AKAP11: variants seen among roughly 807,000 people sequenced by gnomAD.
AKAP11 encodes A-kinase anchoring protein 11.
In AKAP11, 36 loss-of-function variants were observed where a neutral mutation model predicts 146.1. The ratio of observed to expected loss-of-function variants is 0.25; its 90% CI spans 0.19 to 0.33. The LOEUF is 0.33. Ranked by LOEUF, AKAP11 falls within the 10% of genes least tolerant of loss-of-function variation. AKAP11 has a pLI of 1.00. For synonymous variants in AKAP11, 780 were observed against 786.5 expected (o/e 0.99, Z 0.14); for missense variants, 2,201 against 2,197.0 (o/e 1.00, Z -0.04).
intron 11 of AKAP11, among the ~76,000 whole-genome samples, chr13:42,316,178 C>A (rs867048131): frequency 1.4e-4 from 21 of 152,112 alleles, no homozygotes; most frequent in Admixed American, 5.2e-4. Context: ...TGGACCAAAT[C>A]TTTTTAATTA....
chr13:42,297,130 G>A lies in AKAP11; in HGVS notation c.299G>A (p.Cys100Tyr), dbSNP rs1328838915. The A allele has an allele frequency of 1.3e-6, 2 of 1,571,774 alleles. No homozygotes were observed. The highest frequency in any genetic ancestry group is 3.6e-5 in the Admixed American group (2 of 55,554). The change falls in exon 6 of 13, where the codon TGT (cysteine) becomes TAT (tyrosine). Residue 100 changes from cysteine to tyrosine, a missense_variant. Cys to Tyr is a radical substitution (Grantham distance 194). Transcript: ENST00000025301. ...FCSLNENEII[C>Y]MKNINKPLDI... ...AGTCTAAATGAAAATGAAATTATTTGTATGAAGAATATAAATAAACCATTA... is the reference window on the plus strand; with the variant it reads ...AGTCTAAATGAAAATGAAATTATTTATATGAAGAATATAAATAAACCATTA...
At chr13:42,277,243 A>C (rs1594293356) in intron 1 of AKAP11, among the ~76,000 whole-genome samples, 1 of 152,368 alleles carries the variant, frequency 6.6e-6, no homozygotes, top group East Asian at 1.9e-4. Flanking sequence ...GAGGGCATAT[A>C]TCCTTTACAG....
At chr13:42,281,045 A>G (rs1157196957) in intron 1 of AKAP11, among the ~76,000 whole-genome samples, 1 of 152,212 alleles carries the variant, frequency 6.6e-6, no homozygotes, top group African/African-American at 2.4e-5. Context: ...TAACTGGGAT[A>G]TTTAGTTGGA....
chr13:42,311,314 A>G (rs1052838187), intron 9 of AKAP11, among the ~76,000 whole-genome samples: 1 of 152,220 alleles, frequency 6.6e-6, no homozygotes, highest in African/African-American at 2.4e-5. Context: ...TGAAGTAGGA[A>G]AACTCTTAAG....
chr13:42,299,928 A>G lies in AKAP11; in HGVS notation c.1182A>G (p.Ser394=), dbSNP rs776921229. The G allele has an allele frequency of 2.5e-6, 4 of 1,613,988 alleles. No individual in the cohort carries two copies. Among genetic ancestry groups the G allele is most frequent in the Non-Finnish European group, 3.4e-6 (4 of 1,179,884 alleles). The change falls in exon 8 of 13, where the codon TCA becomes TCG. Residue 394 remains serine (S), a synonymous_variant. Coordinates refer to ENST00000025301, the MANE Select transcript of AKAP11 (RefSeq NM_016248.4). Reference sequence around the variant, plus strand: ...GGAAAGGGCACAAACATGGAAAGTCATGTATGAATCCTCAAAAATTCAAGT... The same window carrying G: ...GGAAAGGGCACAAACATGGAAAGTCGTGTATGAATCCTCAAAAATTCAAGT... ...SQRKGHKHGK[S]CMNPQKFKFD...
rs1959250121 is a variant in AKAP11 at position 42,292,414 on chromosome 13, A to G, written c.81A>G (p.Val27=). 1.9e-6 allele frequency: 3 copies of G among 1,586,020 alleles called. No homozygotes were observed. Among genetic ancestry groups the G allele is most frequent in the Non-Finnish European group, 2.6e-6 (3 of 1,160,442 alleles). ...TCAGTGAAGATGTGTTCCAGTCTGTAAAGTCTTTATTGCAGAGTCAGAAGG... is the reference window on the plus strand; with the variant it reads ...TCAGTGAAGATGTGTTCCAGTCTGTGAAGTCTTTATTGCAGAGTCAGAAGG... ...KSFSEDVFQS[V]KSLLQSQKEL... Residue 27 remains valine, a synonymous_variant, in exon 4 of 13, where the codon GTA becomes GTG. Transcript: ENST00000025301.
intron 10 of AKAP11, 28 bp downstream of exon 10, chr13:42,313,158 T>C: frequency 1.3e-6 from 2 of 1,531,564 alleles, no homozygotes; most frequent in Non-Finnish European, 1.8e-6. Flanking sequence ...ACTTAAAAAC[T>C]GATGAGTCTG....
At position 42,302,084 on chromosome 13, in the gene AKAP11, C is replaced by G; in HGVS notation, c.3338C>G (p.Ser1113Cys). 6.2e-7 allele frequency: 1 copy of G among 1,614,154 alleles called. No homozygotes were observed. Among genetic ancestry groups the G allele is most frequent in the Non-Finnish European group, 8.5e-7 (1 of 1,180,022 alleles). Residue 1113 changes from serine (S) to cysteine (C), a missense_variant, in exon 8 of 13, where the codon TCT (serine) becomes TGT (cysteine). By Grantham distance (112) the Ser-to-Cys change is moderately radical. Transcript: ENST00000025301. ...STPLVPSRAS[S>C]EWDIKKLTKK... ...CCTCTAGTACCATCCCGGGCTAGTT[C>G]TGAATGGGATATCAAGAAGTTAACT... is the stretch of plus-strand genomic sequence containing the variant.
intron 5 of AKAP11, 119 bp from the exon 6 acceptor site, chr13:42,296,929 A>C (rs1351272693): frequency 1.3e-6 from 1 of 750,768 alleles, no homozygotes; most frequent in Non-Finnish European, 2.1e-6. Flanking sequence ...GTTAACTATT[A>C]TGAACCAGGA....
chr13:42,302,007 TAAACA>T lies in AKAP11; in HGVS notation c.3262_3266del (p.Lys1088GlufsTer10). 6.2e-7 allele frequency: 1 copy of T among 1,613,780 alleles called. No homozygotes were observed. The highest frequency in any genetic ancestry group is 8.5e-7 in the Non-Finnish European group (1 of 1,179,882). Reference sequence around the variant, plus strand: ...GTGTAGATGGTTTGCATGTGGAAGATAAACAGAAAGTCAGAGACAGAAATGTAATA... The same window carrying T: ...GTGTAGATGGTTTGCATGTGGAAGATGAAAGTCAGAGACAGAAATGTAATA... On this transcript the variant is annotated frameshift_variant, in exon 8 of 13. Coordinates refer to ENST00000025301, the MANE Select transcript of AKAP11 (RefSeq NM_016248.4). LOFTEE classifies it high-confidence loss of function.
chr13:42,294,031 A>G (rs547217338), intron 4 of AKAP11, among the ~76,000 whole-genome samples: 2 of 152,316 alleles, frequency 1.3e-5, no homozygotes, highest in African/African-American at 2.4e-5. Flanking sequence ...GAGGTTAGCA[A>G]TTCACCTAGA....
intron 6 of AKAP11, 147 bp downstream of exon 6, chr13:42,297,329 C>T (rs931681586): frequency 1.8e-6 from 1 of 564,772 alleles, no homozygotes; most frequent in Non-Finnish European, 2.8e-6. Context: ...AAATATAACT[C>T]ATGAAGCATT....
At chr13:42,317,407 AT>A (rs920801602) in intron 11 of AKAP11, 120 bp from the exon 12 acceptor site, 17 of 1,061,412 alleles carry the variant, frequency 1.6e-5, no homozygotes, top group Non-Finnish European at 2.1e-5. Context: ...AAAGATGGAT[AT>A]TTTTTTCACC....
intron 12 of AKAP11, among the ~76,000 whole-genome samples, chr13:42,318,064 AATTG>A (rs1372187295): frequency 1.3e-5 from 2 of 152,176 alleles, no homozygotes; most frequent in Non-Finnish European, 2.9e-5. Flanking sequence ...CTCTGTATTT[AATTG>A]ATTTGTAATT....
chr13:42,305,133 A>T (rs1246282370), intron 8 of AKAP11, among the ~76,000 whole-genome samples: 1 of 152,226 alleles, frequency 6.6e-6, no homozygotes, highest in Non-Finnish European at 1.5e-5. Flanking sequence ...ATCAGGACCA[A>T]CTTGTGTTAT....
chr13:42,319,204 T>G lies in AKAP11; in HGVS notation c.5682T>G (p.Phe1894Leu), dbSNP rs1960972903. The G allele has an allele frequency of 3.1e-6, 5 of 1,614,006 alleles. No individual in the cohort carries two copies. In the East Asian group the frequency reaches 1.1e-4, roughly 36 times the overall value. ...ASSEERCKSLFDWLLENA is the reference protein window; with the variant it reads ...ASSEERCKSLLDWLLENA ...GTGAGGAGAGATGCAAGTCGCTGTT[T>G]GATTGGCTCTTGGAAAATGCATAGA... Residue 1894 changes from phenylalanine to leucine, a missense_variant, in exon 13 of 13, where the codon TTT becomes TTG. Coordinates refer to ENST00000025301, the MANE Select transcript of AKAP11 (RefSeq NM_016248.4).
In AKAP11 at chr13:42,313,001, A is replaced by G. The variant is rs115952887; in HGVS notation, c.5274-46A>G. 1.5e-3 allele frequency: 2,200 copies of G among 1,514,408 alleles called. 34 individuals are homozygous for G. The African/African-American group carries it at 0.026, about 18-fold the overall frequency. The allele number at this position is 1,514,408 out of a possible 1,614,324, so 93.8% of individuals were successfully genotyped here. The stretch of plus-strand genomic sequence containing the variant: ...TTCCGAGGAAACAAAGGTCTTTTCT[A>G]CTATTCATTTTCTAGTTCAGCTCTG... On this transcript the variant is annotated intron_variant, in intron 9 of 12. Coordinates refer to ENST00000025301, the MANE Select transcript of AKAP11 (RefSeq NM_016248.4).
intron 3 of AKAP11, among the ~76,000 whole-genome samples, chr13:42,288,523 A>G (rs915712777): frequency 2.0e-5 from 3 of 152,206 alleles, no homozygotes; most frequent in African/African-American, 7.2e-5. Flanking sequence ...CTTCCCACAT[A>G]ACACTAATAC....
At position 42,280,598 on chromosome 13, in the gene AKAP11, A is replaced by G. The variant is rs563556258; in HGVS notation, c.-99-5388A>G. Among the ~76,000 whole-genome samples, 10 of 152,340 alleles carry G rather than the reference A, an allele frequency of 6.6e-5. No homozygotes were observed. In the South Asian group the frequency reaches 1.7e-3, roughly 25 times the overall value. ...GATGTTTGAATGCCTACTATGTAAA[A>G]ATACATAAAACACTTTTGTCCTCAT... On this transcript the variant is annotated intron_variant, in intron 1 of 12. Coordinates refer to ENST00000025301, the MANE Select transcript of AKAP11 (RefSeq NM_016248.4).
Sources: gnomAD v4.1 joint callset for allele counts (sites outside exome capture counted in the v4.1 genomes callset) on GRCh38, gnomAD v4.1.1 for gene constraint, MANE v1.5 for transcripts, NCBI Gene and HGNC (gene_info 2026-07-23, HGNC 2026-07-21) for gene names.